The following ECE1 variants were observed in gnomAD, a reference collection of about 807,000 sequenced individuals.
ECE1 encodes the protein endothelin-converting enzyme 1.
In ECE1, 35 loss-of-function variants were observed where a neutral mutation model predicts 98.6. The observed-to-expected ratio is 0.35, with a 90% CI of 0.27 to 0.47. The LOEUF is 0.47. Among genes scored for constraint, ECE1 ranks in the 20% least tolerant of loss-of-function variants. The probability of loss-of-function intolerance (pLI) is 1.00; values close to 1 mark genes in which losing one functional copy is unlikely to be tolerated. For synonymous variants in ECE1, 394 were observed against 407.1 expected (o/e 0.97, Z 0.39); for missense variants, 814 against 1,025.3 (o/e 0.79, Z 2.81).
At chr1:21,334,104 A>ACCT (rs1639261136) in intron 1 of ECE1, among the ~76,000 whole-genome samples, 1 of 152,006 alleles carries the variant, frequency 6.6e-6, no homozygotes, top group South Asian at 2.1e-4. Context: ...AAACCTCCAT[A>ACCT]CCTCCATCTT....
At chr1:21,229,812 C>T (rs765219083) in intron 14 of ECE1, among the ~76,000 whole-genome samples, 11 of 152,102 alleles carry the variant, frequency 7.2e-5, no homozygotes, top group Non-Finnish European at 1.6e-4. Context: ...TACAAAATCA[C>T]GCCTGGGTAA....
At chr1:21,295,681 T>C (rs148146179) in intron 1 of ECE1, among the ~76,000 whole-genome samples, 51 of 152,368 alleles carry the variant, frequency 3.3e-4, no homozygotes, top group African/African-American at 1.1e-3. Flanking sequence ...GCTTTTTCCT[T>C]GTCCACATTT....
intron 14 of ECE1, among the ~76,000 whole-genome samples, chr1:21,229,168 C>T (rs2098178531): frequency 6.6e-6 from 1 of 152,034 alleles, no homozygotes; most frequent in African/African-American, 2.4e-5. Context: ...CATCTCAACC[C>T]CTGAATACAA....
rs371169212 is a variant in ECE1 at position 21,233,529 on chromosome 1, C to T, written c.1670+29G>A. 3 of 1,606,286 alleles carry T rather than the reference C, an allele frequency of 1.9e-6. No individual in the cohort carries two copies. Among genetic ancestry groups the T allele is most frequent in the South Asian group, 1.1e-5 (1 of 90,896 alleles). The stretch of plus-strand genomic sequence containing the variant: ...CTTGCCCACAGGTGGGGAGCTGGCA[C>T]CTTGCCGGCAGGGCCTGGGGGAACT... On this transcript the variant is annotated intron_variant, in intron 14 of 18. Transcript: ENST00000374893. This position sits in a 1 kb window ranked among gnomAD's most constrained non-coding sequence, Gnocchi z 4.0.
intron 3 of ECE1, among the ~76,000 whole-genome samples, chr1:21,277,072 GC>G (rs1401041167): frequency 6.6e-6 from 1 of 152,182 alleles, no homozygotes; most frequent in African/African-American, 2.4e-5. Flanking sequence ...ACCAGCACCT[GC>G]TCCTGGGTAA....
chr1:21,265,440 A>G (rs785193), intron 4 of ECE1, among the ~76,000 whole-genome samples: 16,864 of 152,188 alleles, frequency 0.11, 3,029 homozygotes, highest in African/African-American at 0.38. Context: ...GCTGAGGCAC[A>G]AGAATCGCTT....
rs1343121704 is a variant in ECE1, at chr1:21,219,041, G to A, written c.*914C>T. ...GTGGGACTGAGAGGGGACACTTGTG[G>A]CCAGCAGTGTATCTCTGACACAGTC... On this transcript the variant is annotated 3_prime_UTR_variant, in exon 19 of 19. Coordinates refer to ENST00000374893, the MANE Select transcript of ECE1 (RefSeq NM_001397.3). This position sits in a 1 kb window ranked among gnomAD's most constrained non-coding sequence, Gnocchi z 4.5. 3 of 152,390 alleles carry A rather than the reference G, an allele frequency of 2.0e-5. No individual in the cohort carries two copies. The highest frequency in any genetic ancestry group is 4.4e-5 in the Non-Finnish European group (3 of 68,176). The allele number at this position is 152,390 out of a possible 1,614,324, so 9.4% of individuals were successfully genotyped here. A position where few individuals can be genotyped will look rare whatever the true frequency, so the allele number is the denominator to read the frequency against.
intron 3 of ECE1, among the ~76,000 whole-genome samples, chr1:21,274,502 A>T (rs2103327474): frequency 6.6e-6 from 1 of 152,294 alleles, no homozygotes; most frequent in South Asian, 2.1e-4. Context: ...GACCAATTTC[A>T]CAGATTTCAC....
chr1:21,331,802 T>C (rs1266961418), intron 1 of ECE1, among the ~76,000 whole-genome samples: 6 of 152,286 alleles, frequency 3.9e-5, no homozygotes, highest in Middle Eastern at 3.4e-3. Flanking sequence ...GTGCTGTACC[T>C]GGCACACAGC....
chr1:21,332,115 G>A (rs1639211620), intron 1 of ECE1, among the ~76,000 whole-genome samples: 1 of 152,174 alleles, frequency 6.6e-6, no homozygotes, highest in Non-Finnish European at 1.5e-5. Context: ...ACCCAGTGGT[G>A]TGCAGCAGGG....
chr1:21,236,731 C>T lies in ECE1; in HGVS notation c.1488+15G>A. ...GACGCCGCAGCACCCCCTCCAAGTG[C>T]CTGGCCAGCCTCACCTTTTCCTTGG... On this transcript the variant is annotated intron_variant, in intron 12 of 18. Coordinates refer to ENST00000374893, the MANE Select transcript of ECE1 (RefSeq NM_001397.3). 8.7e-6 allele frequency: 14 copies of T among 1,613,570 alleles called. No homozygotes were observed. Among genetic ancestry groups the T allele is most frequent in the South Asian group, 2.2e-5 (2 of 91,064 alleles).
At chr1:21,238,784 G>GAACA (rs1295687543) in intron 10 of ECE1, among the ~76,000 whole-genome samples, 1 of 152,028 alleles carries the variant, frequency 6.6e-6, no homozygotes, top group Admixed American at 6.6e-5. Flanking sequence ...CCTCAAATGA[G>GAACA]AACACCACAG....
intron 13 of ECE1, among the ~76,000 whole-genome samples, chr1:21,234,652 C>T (rs899056269): frequency 6.6e-6 from 1 of 152,104 alleles, no homozygotes; most frequent in African/African-American, 2.4e-5. Context: ...CTAATCTTTA[C>T]ATTTTTTGTA....
chr1:21,334,299 T>C (rs1253725642), intron 1 of ECE1, among the ~76,000 whole-genome samples: 1 of 152,224 alleles, frequency 6.6e-6, no homozygotes, highest in African/African-American at 2.4e-5. Context: ...CCCTCCTCTC[T>C]CTGGCTCCCA....
At chr1:21,291,969 A>AATATATAT (rs142312217), upstream of ECE1, among the ~76,000 whole-genome samples, 3 of 147,108 alleles carry the variant, frequency 2.0e-5, no homozygotes, top group African/African-American at 7.5e-5. Flanking sequence ...ACAAAAAGAA[A>AATATATAT]ATATATATAT....
rs1367865502 is a variant in ECE1 at position 21,235,647 on chromosome 1, G to A, written c.1566+203C>T. 1.3e-5 allele frequency among the ~76,000 whole-genome samples: 2 copies of A among 152,180 alleles called. No individual in the cohort carries two copies. The highest frequency in any genetic ancestry group is 2.9e-5 in the Non-Finnish European group (2 of 68,024). ...ATGGATGGTGGCTATGGGGAGGCAG[G>A]GCCTCCAGCTGACCCAGGAGCCAAA... On this transcript the variant is annotated intron_variant, in intron 13 of 18. Coordinates refer to ENST00000374893, the MANE Select transcript of ECE1 (RefSeq NM_001397.3). This position sits in a 1 kb window ranked among gnomAD's most constrained non-coding sequence, Gnocchi z 4.2.
At chr1:21,245,707 G>A (rs1281702253) in intron 9 of ECE1, among the ~76,000 whole-genome samples, 2 of 152,130 alleles carry the variant, frequency 1.3e-5, no homozygotes, top group African/African-American at 4.8e-5. Context: ...TGAGAAGGAG[G>A]AAGTAAAGAA....
chr1:21,255,841 ATAGTTTCAAGGAC>A (rs2098219162), intron 8 of ECE1, 93 bp downstream of exon 8: 1 of 1,243,290 alleles, frequency 8.0e-7, no homozygotes, highest in African/African-American at 1.5e-5. Flanking sequence ...CCTTTGTCAC[ATAGTTTCAAGGAC>A]TAGATGAAAT....
chr1:21,341,929 C>T (rs1398082102), intron 1 of ECE1, among the ~76,000 whole-genome samples: 1 of 152,130 alleles, frequency 6.6e-6, no homozygotes, highest in Admixed American at 6.5e-5. Context: ...TGAGCCACTG[C>T]CCCCGGACTC....
Sources: allele counts gnomAD v4.1 joint callset (sites outside exome capture counted in the v4.1 genomes callset), GRCh38; gene constraint gnomAD v4.1.1; non-coding constraint Gnocchi (gnomAD v3.1); transcripts MANE v1.5; gene names NCBI Gene and HGNC (gene_info 2026-07-23, HGNC 2026-07-21).